Variants in MAML3 observed in about 807,000 individuals in gnomAD.
MAML3 encodes the protein mastermind like transcriptional coactivator 3.
Under a neutral mutation model 101.9 loss-of-function variants are expected in MAML3, and 27 were observed. The observed-to-expected ratio is 0.27, with a 90% confidence interval of 0.20 to 0.37. The LOEUF (loss-of-function observed/expected upper bound fraction) is 0.37, where lower values mean the gene tolerates loss of function less well. Ranked by LOEUF, MAML3 falls within the 10% of genes least tolerant of loss-of-function variation. The probability of loss-of-function intolerance (pLI) is 1.00; values close to 1 mark genes in which losing one functional copy is unlikely to be tolerated. For synonymous variants in MAML3, 501 were observed against 555.9 expected, an observed-to-expected ratio of 0.90 and a Z score of 1.39; for missense variants, 1,316 against 1,444.9, an observed-to-expected ratio of 0.91 and a Z score of 1.45.
At chr4:139,819,791 T>C (rs1162520482) in intron 2 of MAML3, among the ~76,000 whole-genome samples, 1 of 152,264 alleles carries the variant, frequency 6.6e-6, no homozygotes, top group East Asian at 1.9e-4. Context: ...GAAGACTTTC[T>C]TTAACTGACC....
intron 2 of MAML3, among the ~76,000 whole-genome samples, chr4:139,867,461 T>C (rs1264655841): frequency 2.0e-5 from 3 of 152,174 alleles, no homozygotes; most frequent in Admixed American, 6.5e-5. Flanking sequence ...GAGTTAACAT[T>C]TGTTGAGCAT....
intron 1 of MAML3, among the ~76,000 whole-genome samples, chr4:140,037,702 A>T (rs1727009042): frequency 6.6e-6 from 1 of 152,246 alleles, no homozygotes; most frequent in Admixed American, 6.5e-5. Context: ...AATCAGAAAC[A>T]CATTGCTTTC....
intron 1 of MAML3, among the ~76,000 whole-genome samples, chr4:139,981,630 G>A (rs931168682): frequency 1.3e-5 from 2 of 151,900 alleles, no homozygotes; most frequent in African/African-American, 4.8e-5. Flanking sequence ...TGTCACTTTT[G>A]TGTTTTAGGA....
rs1159073152 is a variant in MAML3 at position 140,153,283 on chromosome 4, A to G, written c.45T>C (p.Ser15=). Residue 15 remains serine (S), a synonymous_variant, in exon 1 of 5, where the codon AGT becomes AGC. Coordinates refer to ENST00000509479, the MANE Select transcript of MAML3 (RefSeq NM_018717.5). ...AAPAAAANGS[S]ICINSSLNSS... is the part of the protein sequence containing the mutation. ...TGTTCAGGCTACTGTTGATGCAAAT[A>G]CTACTGCCATTCGCGGCAGCAGCGG... 29 of 1,606,012 alleles carry G rather than the reference A, an allele frequency of 1.8e-5. No homozygotes were observed. Among genetic ancestry groups the G allele is most frequent in the Non-Finnish European group, 2.5e-5 (29 of 1,176,144 alleles).
chr4:140,151,698 G>A (rs1011549515), intron 1 of MAML3, among the ~76,000 whole-genome samples: 2 of 128,050 alleles, frequency 1.6e-5, no homozygotes, highest in Admixed American at 1.9e-4. Context: ...TGCGGGGGGG[G>A]GGGGCACACA....
chr4:140,146,883 C>A (rs374265078), intron 1 of MAML3, among the ~76,000 whole-genome samples: 1 of 152,026 alleles, frequency 6.6e-6, no homozygotes, highest in Non-Finnish European at 1.5e-5. Flanking sequence ...CACCTGTAAT[C>A]CCAGCACTTT....
At chr4:140,064,512 G>C (rs1160455126) in intron 1 of MAML3, among the ~76,000 whole-genome samples, 1 of 152,136 alleles carries the variant, frequency 6.6e-6, no homozygotes, top group African/African-American at 2.4e-5. Context: ...TGGGTTAGAG[G>C]GTGGCTTTCT....
At chr4:139,904,761 A>ATAGAGCG (rs61712336) in intron 1 of MAML3, among the ~76,000 whole-genome samples, 55,271 of 151,708 alleles carry the variant, frequency 0.36, 10,433 homozygotes, top group South Asian at 0.57. Context: ...TGTGAACATC[A>ATAGAGCG]TATTCACACA....
chr4:139,853,525 G>A (rs1320058377), intron 2 of MAML3, among the ~76,000 whole-genome samples: 1 of 152,108 alleles, frequency 6.6e-6, no homozygotes, highest in Non-Finnish European at 1.5e-5. Context: ...TTTAGAGGCT[G>A]GGTGATAAGA....
intron 2 of MAML3, among the ~76,000 whole-genome samples, chr4:139,846,742 T>C (rs1350498191): frequency 6.6e-6 from 1 of 152,242 alleles, no homozygotes; most frequent in African/African-American, 2.4e-5. Flanking sequence ...TACAGCTCCA[T>C]TAAAACATTT....
At chr4:139,847,746 C>A (rs1166449004) in intron 2 of MAML3, among the ~76,000 whole-genome samples, 1 of 152,208 alleles carries the variant, frequency 6.6e-6, no homozygotes, top group Non-Finnish European at 1.5e-5. Flanking sequence ...CAACTGAATA[C>A]ACTGCTGCTT....
At chr4:139,774,969 C>T (rs914201800) in intron 2 of MAML3, among the ~76,000 whole-genome samples, 13 of 152,186 alleles carry the variant, frequency 8.5e-5, no homozygotes, top group Non-Finnish European at 1.6e-4. Context: ...TGGGGCCAAA[C>T]TCTCTCCGGG....
chr4:140,060,976 G>A (rs1727438784), intron 1 of MAML3, among the ~76,000 whole-genome samples: 1 of 152,200 alleles, frequency 6.6e-6, no homozygotes, highest in African/African-American at 2.4e-5. Flanking sequence ...GCAGCAACTG[G>A]AGCCCCAGAA....
chr4:139,821,790 GA>G (rs2111123136), intron 2 of MAML3, among the ~76,000 whole-genome samples: 2 of 152,322 alleles, frequency 1.3e-5, no homozygotes, highest in East Asian at 3.9e-4. Flanking sequence ...ACATAATGTG[GA>G]CAATAGTGCC....
chr4:140,043,649 T>C (rs887021501), intron 1 of MAML3, among the ~76,000 whole-genome samples: 5 of 152,230 alleles, frequency 3.3e-5, no homozygotes, highest in Non-Finnish European at 5.9e-5. Context: ...ATGGCAGCAC[T>C]GTCCCTGGAA....
intron 2 of MAML3, among the ~76,000 whole-genome samples, chr4:139,736,490 C>G (rs1402541909): frequency 6.6e-6 from 1 of 152,084 alleles, no homozygotes; most frequent in South Asian, 2.1e-4. Context: ...CTCTCAGTCC[C>G]CACCCCCTGA....
At position 139,981,505 on chromosome 4, in the gene MAML3, A is replaced by G. The variant is rs904029394; in HGVS notation, c.469-90538T>C. Among the ~76,000 whole-genome samples, 3 of 152,214 alleles carry G rather than the reference A, an allele frequency of 2.0e-5. No individual in the cohort carries two copies. The East Asian group carries it at 5.8e-4, about 29-fold the overall frequency. The stretch of plus-strand genomic sequence containing the variant: ...ATATATCCTGTACCTAGTTTTTCCT[A>G]TTATTAACGTCTTATATTAGCATGG... On this transcript the variant is annotated intron_variant, in intron 1 of 4. Transcript: ENST00000509479.
chr4:140,092,217 C>T (rs1385687826), intron 1 of MAML3, among the ~76,000 whole-genome samples: 1 of 151,718 alleles, frequency 6.6e-6, no homozygotes, highest in Non-Finnish European at 1.5e-5. Flanking sequence ...GATGCAGACA[C>T]CGAAACCTTG....
intron 2 of MAML3, among the ~76,000 whole-genome samples, chr4:139,811,823 C>G (rs958742968): frequency 6.6e-6 from 1 of 152,038 alleles, no homozygotes; most frequent in Non-Finnish European, 1.5e-5. Context: ...AGAGAGGAGA[C>G]AAAAACATAT....
Sources: allele counts gnomAD v4.1 joint callset (sites outside exome capture counted in the v4.1 genomes callset), GRCh38; gene constraint gnomAD v4.1.1; transcripts MANE v1.5; gene names NCBI Gene and HGNC (gene_info 2026-07-23, HGNC 2026-07-21).